Variants in DNAH6 observed in about 807,000 individuals in gnomAD.
DNAH6 encodes axonemal beta dynein heavy chain 6.
In DNAH6, 340 loss-of-function variants were observed where a neutral mutation model predicts 491.4. That is an observed-to-expected ratio of 0.69 (90% CI 0.63 to 0.76). The LOEUF (loss-of-function observed/expected upper bound fraction) is 0.76. Among genes scored for constraint, DNAH6 ranks in the 30% least tolerant of loss-of-function variants. The probability of loss-of-function intolerance (pLI) is 0.00; values close to 1 mark genes in which losing one functional copy is unlikely to be tolerated. For synonymous variants in DNAH6, 1,603 were observed against 1,686.1 expected (o/e 0.95, Z 1.21); for missense variants, 4,443 against 4,972.2 (o/e 0.89, Z 3.20).
At chr2:84,715,241 G>A (rs1315101802) in intron 57 of DNAH6, among the ~76,000 whole-genome samples, 1 of 152,156 alleles carries the variant, frequency 6.6e-6, no homozygotes, top group Non-Finnish European at 1.5e-5. Context: ...ACTAAAGGGT[G>A]CAGCTCAAAT....
At chr2:84,754,514 G>T (rs1360321890) in intron 63 of DNAH6, among the ~76,000 whole-genome samples, 1 of 152,196 alleles carries the variant, frequency 6.6e-6, no homozygotes, top group Non-Finnish European at 1.5e-5. Flanking sequence ...GCTACCAGTT[G>T]TCACAGCATC....
the DNAH6 span, among the ~76,000 whole-genome samples, chr2:84,509,564 T>G: frequency 3.2e-4 from 48 of 152,280 alleles, no homozygotes; most frequent in African/African-American, 9.4e-4. Context: ...GGAGCATTTA[T>G]CCCATTTACA....
At chr2:84,514,693 C>T (rs1392352389), upstream of DNAH6, among the ~76,000 whole-genome samples, 1 of 152,056 alleles carries the variant, frequency 6.6e-6, no homozygotes, top group Non-Finnish European at 1.5e-5. Context: ...AAATAGCAGG[C>T]TATACACAAA....
chr2:84,755,858 C>T (rs946910553), intron 63 of DNAH6, among the ~76,000 whole-genome samples: 3 of 152,126 alleles, frequency 2.0e-5, no homozygotes, highest in Admixed American at 6.5e-5. Flanking sequence ...GGGAGGGACC[C>T]AGTGGGAGGT....
intron 1 of DNAH6, among the ~76,000 whole-genome samples, chr2:84,517,435 G>A (rs1486867397): frequency 6.6e-6 from 1 of 152,050 alleles, no homozygotes; most frequent in East Asian, 1.9e-4. Flanking sequence ...ACTAGAATTA[G>A]CTGCATTTTG....
At chr2:84,549,400 T>A (rs2104549610) in intron 8 of DNAH6, among the ~76,000 whole-genome samples, 1 of 152,344 alleles carries the variant, frequency 6.6e-6, no homozygotes, top group Admixed American at 6.5e-5. Context: ...TCTTGCTGAC[T>A]CAGTCTGCAT....
chr2:84,742,142 C>T (rs1340690938), intron 62 of DNAH6, among the ~76,000 whole-genome samples: 2 of 152,192 alleles, frequency 1.3e-5, no homozygotes, highest in African/African-American at 4.8e-5. Context: ...GCACGCAATA[C>T]CTGCATCTAG....
At chr2:84,471,099 A>G in the DNAH6 span, among the ~76,000 whole-genome samples, 2 of 152,322 alleles carry the variant, frequency 1.3e-5, no homozygotes, top group Non-Finnish European at 1.5e-5. Context: ...AAGTCTAGAC[A>G]CATTCCAGAG....
intron 4 of DNAH6, among the ~76,000 whole-genome samples, chr2:84,539,880 C>T (rs1678073991): frequency 6.6e-6 from 1 of 152,168 alleles, no homozygotes; most frequent in African/African-American, 2.4e-5. Context: ...AAGCACTTCT[C>T]TTCCCCAGGT....
rs3754911 is a variant in DNAH6, at chr2:84,796,013, G to T, written c.11240-293G>T. On this transcript the variant is annotated intron_variant, in intron 68 of 76. Coordinates refer to ENST00000389394, the MANE Select transcript of DNAH6 (RefSeq NM_001370.2). ...TAAGACTCAAAATCAGTATTTCAAA[G>T]CAAAAGAACAAAAACAAAAAAGAAA... is the stretch of plus-strand genomic sequence containing the variant. 4.0e-4 allele frequency among the ~76,000 whole-genome samples: 61 copies of T among 152,186 alleles called. 2 individuals are homozygous for T. The South Asian group carries it at 7.9e-3, about 20-fold the overall frequency.
intron 12 of DNAH6, among the ~76,000 whole-genome samples, chr2:84,574,816 T>G (rs1327506880): frequency 3.9e-5 from 6 of 152,232 alleles, no homozygotes; most frequent in African/African-American, 1.4e-4. Flanking sequence ...CCAGTTCTAA[T>G]CCCTGAGCTC....
At chr2:84,777,930 G>C in intron 64 of DNAH6, 21 of 1,075,276 alleles carry the variant, frequency 2.0e-5, no homozygotes, top group Non-Finnish European at 2.9e-5. Context: ...ACCAAATTAA[G>C]ACGGCTTTCT....
chr2:84,575,466 G>A (rs1023604117), intron 12 of DNAH6, among the ~76,000 whole-genome samples: 2 of 152,176 alleles, frequency 1.3e-5, no homozygotes, highest in Non-Finnish European at 2.9e-5. Flanking sequence ...TCTGAGGAGA[G>A]TATTAGTATT....
chr2:84,747,927 T>C (rs1422884498), intron 63 of DNAH6, among the ~76,000 whole-genome samples: 1 of 152,188 alleles, frequency 6.6e-6, no homozygotes, highest in Non-Finnish European at 1.5e-5. Flanking sequence ...GCCCAAGCTG[T>C]ACCTGGAGCC....
In DNAH6 at chr2:84,624,356, C is replaced by G. The variant is rs1308507225; in HGVS notation, c.4163C>G (p.Ala1388Gly). 6.4e-7 allele frequency: 1 copy of G among 1,551,196 alleles called. No homozygotes were observed. ...LTALITIDVH[A>G]RDIVTELVQS... ...GCATTGATTACTATTGATGTGCATG[C>G]AAGAGATATAGTCACTGAACTTGTT... is the stretch of plus-strand genomic sequence containing the variant. The change falls in exon 27 of 77, where the codon GCA (alanine) becomes GGA (glycine). Residue 1388 changes from alanine to glycine, a missense_variant. Ala to Gly is a moderately conservative substitution (Grantham distance 60). Transcript: ENST00000389394.
chr2:84,533,335 G>T (rs1677360211), intron 4 of DNAH6, among the ~76,000 whole-genome samples: 1 of 152,108 alleles, frequency 6.6e-6, no homozygotes, highest in Admixed American at 6.6e-5. Context: ...TGCAGGAAAT[G>T]AAGAGTAAGA....
At chr2:84,718,884 T>G (rs1025954747) in intron 59 of DNAH6, among the ~76,000 whole-genome samples, 1 of 152,252 alleles carries the variant, frequency 6.6e-6, no homozygotes, top group Non-Finnish European at 1.5e-5. Flanking sequence ...ATTTTGATAT[T>G]CCTTCTCCAA....
intron 63 of DNAH6, among the ~76,000 whole-genome samples, chr2:84,757,891 G>A (rs1336457905): frequency 6.6e-6 from 1 of 152,134 alleles, no homozygotes. Flanking sequence ...TAATTCTGCA[G>A]GAATCCTCTT....
chr2:84,549,580 GC>G, intron 8 of DNAH6, among the ~76,000 whole-genome samples: 1 of 152,098 alleles, frequency 6.6e-6, no homozygotes, highest in South Asian at 2.1e-4. Context: ...AAATATTATG[GC>G]CCTTTTAGCT....
Sources: allele counts gnomAD v4.1 joint callset (sites outside exome capture counted in the v4.1 genomes callset), GRCh38; gene constraint gnomAD v4.1.1; transcripts MANE v1.5; gene names NCBI Gene and HGNC (gene_info 2026-07-23, HGNC 2026-07-21).